Variants in APAF1 observed in about 807,000 individuals in gnomAD.
APAF1 encodes the protein apoptotic protease-activating factor 1.
APAF1 carries 91 observed loss-of-function variants against 152.4 expected under a neutral mutation model. The ratio of observed to expected loss-of-function variants is 0.60; its 90% confidence interval spans 0.50 to 0.71. The LOEUF (loss-of-function observed/expected upper bound fraction) is 0.71. Ranked by LOEUF, APAF1 falls within the 30% of genes least tolerant of loss-of-function variation. The probability of loss-of-function intolerance (pLI) is 0.00; values close to 1 mark genes in which losing one functional copy is unlikely to be tolerated. For synonymous variants in APAF1, 484 were observed against 494.1 expected, an observed-to-expected ratio of 0.98 and a Z score of 0.27; for missense variants, 1,283 against 1,472.0, an observed-to-expected ratio of 0.87 and a Z score of 2.10.
intron 18 of APAF1, among the ~76,000 whole-genome samples, chr12:98,704,814 C>T (rs1014246349): frequency 2.6e-5 from 4 of 152,174 alleles, no homozygotes; most frequent in Middle Eastern, 6.3e-3. Context: ...GAGTCTCTCT[C>T]TGTCACCCAG....
chr12:98,657,418 G>C (rs907053173), intron 4 of APAF1, among the ~76,000 whole-genome samples: 2 of 152,158 alleles, frequency 1.3e-5, no homozygotes, highest in African/African-American at 4.8e-5. Context: ...ATAGGTATTT[G>C]CTCCTCAAGG....
intron 21 of APAF1, among the ~76,000 whole-genome samples, chr12:98,713,902 AT>A (rs2097730969): frequency 6.6e-6 from 1 of 152,176 alleles, no homozygotes; most frequent in Admixed American, 6.5e-5. Context: ...ATACTCTTAT[AT>A]ATTTGTCATG....
intron 5 of APAF1, among the ~76,000 whole-genome samples, chr12:98,661,542 T>C (rs2097665380): frequency 6.6e-6 from 1 of 152,074 alleles, no homozygotes; most frequent in South Asian, 2.1e-4. Context: ...AATGGTGCGA[T>C]ATCGGTTCAC....
intron 7 of APAF1, among the ~76,000 whole-genome samples, chr12:98,663,886 TGACCTCA>T (rs1408177060): frequency 6.6e-6 from 1 of 152,188 alleles, no homozygotes; most frequent in Non-Finnish European, 1.5e-5. Context: ...CTCGAACTCC[TGACCTCA>T]GGTGATTGCC....
intron 26 of APAF1, among the ~76,000 whole-genome samples, chr12:98,729,921 T>G (rs976979432): frequency 2.0e-5 from 3 of 152,154 alleles, no homozygotes; most frequent in African/African-American, 7.2e-5. Flanking sequence ...TATTTGATAA[T>G]ACAGTAGGGA....
chr12:98,648,915 T>A, intron 3 of APAF1, 100 bp downstream of exon 3: 1 of 1,143,994 alleles, frequency 8.7e-7, no homozygotes, highest in Non-Finnish European at 1.3e-6. Flanking sequence ...ACCAGTTCAC[T>A]GAAAACTGCA....
At chr12:98,726,343 G>C (rs903588713) in intron 25 of APAF1, 6 of 152,334 alleles carry the variant, frequency 3.9e-5, no homozygotes, top group African/African-American at 1.4e-4. Context: ...GAAGAATTGG[G>C]GAGCCGATTG....
At chr12:98,679,825 G>A (rs2097690466) in intron 13 of APAF1, among the ~76,000 whole-genome samples, 1 of 152,262 alleles carries the variant, frequency 6.6e-6, no homozygotes, top group Non-Finnish European at 1.5e-5. Flanking sequence ...GCAGCAGTCA[G>A]CACGTCTGTG....
At position 98,723,870 on chromosome 12, in the gene APAF1, G is replaced by C. The variant is rs572035827; in HGVS notation, c.3330+106G>C. ...CATAACAGTTGCTCTCTACATGTCT[G>C]TTTCATATTTTGTGATCTTTTGGAG... On this transcript the variant is annotated intron_variant, in intron 24 of 26. Coordinates refer to ENST00000551964, the MANE Select transcript of APAF1 (RefSeq NM_181861.2). The C allele has an allele frequency of 1.6e-4, 190 of 1,212,392 alleles. 1 individual carries two copies. Among genetic ancestry groups the C allele is most frequent in the South Asian group, 1.5e-3 (122 of 80,518 alleles). The allele number at this position is 1,212,392 out of a possible 1,614,324, so 75.1% of individuals were successfully genotyped here.
intron 3 of APAF1, 91 bp from the exon 4 acceptor site, chr12:98,649,396 G>A (rs1166295248): frequency 1.4e-6 from 2 of 1,472,860 alleles, no homozygotes; most frequent in Non-Finnish European, 1.9e-6. Flanking sequence ...TTCAGGCTAA[G>A]CCTCAGCTTT....
At position 98,665,774 on chromosome 12, in the gene APAF1, G is replaced by T; in HGVS notation, c.1177G>T (p.Val393Phe). ...AGATCTTTCCATCCTTCAGAAGGACGTTAAGGTGCCTACAAAGGTAATGGG... is the reference window on the plus strand; with the variant it reads ...AGATCTTTCCATCCTTCAGAAGGACTTTAAGGTGCCTACAAAGGTAATGGG... ...YTDLSILQKD[V>F]KVPTKVLCIL... The change falls in exon 8 of 27, where the codon GTT (valine) becomes TTT (phenylalanine). Residue 393 changes from valine to phenylalanine, a missense_variant. Transcript: ENST00000551964. 1.2e-6 allele frequency: 2 copies of T among 1,612,602 alleles called. No homozygotes were observed. The highest frequency in any genetic ancestry group is 1.7e-6 in the Non-Finnish European group (2 of 1,178,676).
At chr12:98,688,637 A>AT (rs2097700634) in intron 16 of APAF1, among the ~76,000 whole-genome samples, 1 of 111,678 alleles carries the variant, frequency 9.0e-6, no homozygotes, top group East Asian at 3.0e-4. Context: ...CACCTGGCGA[A>AT]ATTTTTTTTT....
chr12:98,723,784 C>G lies in APAF1; in HGVS notation c.3330+20C>G. ...GCAAAGGTAGGTCAATCAATTGAAA[C>G]CATGCATAAAACTTTGGTAGTGGTT... On this transcript the variant is annotated intron_variant, in intron 24 of 26. Transcript: ENST00000551964. 1 of 1,613,390 alleles carries G rather than the reference C, an allele frequency of 6.2e-7. No homozygotes were observed. Among genetic ancestry groups the G allele is most frequent in the Non-Finnish European group, 8.5e-7 (1 of 1,179,588 alleles).
At chr12:98,685,140 G>T (rs1485696960) in intron 15 of APAF1, among the ~76,000 whole-genome samples, 2 of 152,144 alleles carry the variant, frequency 1.3e-5, no homozygotes, top group Non-Finnish European at 2.9e-5. Flanking sequence ...CTAACATTTA[G>T]CAATAATTGA....
At chr12:98,653,691 A>ACTATATAT (rs1429273147) in intron 4 of APAF1, among the ~76,000 whole-genome samples, 1 of 15,090 alleles carries the variant, frequency 6.6e-5, no homozygotes, top group African/African-American at 2.0e-4. Flanking sequence ...AAAAAAAAAA[A>ACTATATAT]ATATATATAT....
intron 14 of APAF1, among the ~76,000 whole-genome samples, chr12:98,682,115 G>A (rs1309682256): frequency 1.3e-5 from 2 of 148,502 alleles, no homozygotes; most frequent in Admixed American, 6.8e-5. Flanking sequence ...CTGCAGTGGC[G>A]CTATCTCGGC....
intron 26 of APAF1, among the ~76,000 whole-genome samples, chr12:98,731,058 G>T (rs1426862135): frequency 6.6e-6 from 1 of 152,180 alleles, no homozygotes; most frequent in Non-Finnish European, 1.5e-5. Context: ...GGTCAGGAGA[G>T]TGGGCTTTTG....
intron 12 of APAF1, among the ~76,000 whole-genome samples, chr12:98,673,131 C>T (rs1371023061): frequency 6.6e-6 from 1 of 152,058 alleles, no homozygotes; most frequent in African/African-American, 2.4e-5. Context: ...AAAATTGAGG[C>T]ACAGAAAGAT....
At chr12:98,703,195 T>C (rs537283825) in intron 17 of APAF1, among the ~76,000 whole-genome samples, 176 bp from the exon 18 acceptor site, 9 of 152,376 alleles carry the variant, frequency 5.9e-5, no homozygotes, top group African/African-American at 1.9e-4. Flanking sequence ...AGATGAGCAG[T>C]ATTTTTAAAG....
Sources: gnomAD v4.1 joint callset for allele counts (sites outside exome capture counted in the v4.1 genomes callset) on GRCh38, gnomAD v4.1.1 for gene constraint, MANE v1.5 for transcripts, NCBI Gene and HGNC (gene_info 2026-07-23, HGNC 2026-07-21) for gene names.